FMNL2: variants seen among roughly 807,000 people sequenced by gnomAD.
FMNL2 encodes the protein formin-like protein 2.
In FMNL2, 51 loss-of-function variants were observed where a neutral mutation model predicts 130.2. That is an observed-to-expected ratio of 0.39 (90% CI 0.31 to 0.49). The LOEUF (loss-of-function observed/expected upper bound fraction) is 0.49, where lower values mean the gene tolerates loss of function less well. Ranked by LOEUF, FMNL2 falls within the 20% of genes least tolerant of loss-of-function variation. The probability of loss-of-function intolerance (pLI) is 0.85; values close to 1 mark genes in which losing one functional copy is unlikely to be tolerated. For missense variants in FMNL2, 977 were observed against 1,316.2 expected (o/e 0.74, Z 3.99); for synonymous variants, 465 against 467.1 (o/e 1.00, Z 0.06).
At chr2:152,618,150 T>C (rs2105891097) in intron 13 of FMNL2, among the ~76,000 whole-genome samples, 1 of 152,324 alleles carries the variant, frequency 6.6e-6, no homozygotes, top group East Asian at 1.9e-4. Flanking sequence ...CCCCCCCTTA[T>C]AAAAGGAACC....
At chr2:152,631,968 T>C (rs1682200900) in intron 20 of FMNL2, 40 bp from the exon 21 acceptor site, 1 of 1,588,732 alleles carries the variant, frequency 6.3e-7, no homozygotes, top group African/African-American at 1.4e-5. Context: ...CTTGTTACCC[T>C]TTACTCTTGT....
chr2:152,554,568 T>C (rs978684694), intron 4 of FMNL2, among the ~76,000 whole-genome samples: 1 of 152,210 alleles, frequency 6.6e-6, no homozygotes, highest in Non-Finnish European at 1.5e-5. Flanking sequence ...ACAATGTTTT[T>C]AAAAATCACA....
chr2:152,448,591 T>C (rs574524102), intron 1 of FMNL2, among the ~76,000 whole-genome samples: 1 of 152,322 alleles, frequency 6.6e-6, no homozygotes, highest in Admixed American at 6.5e-5. Context: ...TTTTTTGGAC[T>C]GTCAGTATGG....
chr2:152,578,838 A>G (rs1402781439), intron 7 of FMNL2, 50 bp from the exon 8 acceptor site: 1 of 1,512,234 alleles, frequency 6.6e-7, no homozygotes, highest in Non-Finnish European at 9.0e-7. Flanking sequence ...CAGTTCCCTA[A>G]CTTGTCTCCC....
At chr2:152,518,282 T>G (rs1429454087) in intron 1 of FMNL2, among the ~76,000 whole-genome samples, 2 of 152,212 alleles carry the variant, frequency 1.3e-5, no homozygotes, top group African/African-American at 2.4e-5. Context: ...AGCTGTACAA[T>G]GTATGTCTGA....
At chr2:152,639,839 C>CG in intron 23 of FMNL2, 119 bp from the exon 24 acceptor site, 1 of 667,390 alleles carries the variant, frequency 1.5e-6, no homozygotes, top group East Asian at 3.4e-5. Context: ...TAGATCTTCT[C>CG]AACCTTCCAT....
At chr2:152,366,275 C>CCGGG (rs112286775) in intron 1 of FMNL2, among the ~76,000 whole-genome samples, 7,209 of 121,482 alleles carry the variant, frequency 0.059, 386 homozygotes, top group African/African-American at 0.15. Flanking sequence ...ACATCACACA[C>CCGGG]CGGGGACTGT....
intron 1 of FMNL2, among the ~76,000 whole-genome samples, chr2:152,516,253 A>G (rs1475784273): frequency 6.6e-6 from 1 of 152,188 alleles, no homozygotes; most frequent in Non-Finnish European, 1.5e-5. Context: ...AACACTACTT[A>G]AAGTATAAAC....
At chr2:152,611,688 T>C (rs1387962441) in intron 11 of FMNL2, 83 bp downstream of exon 11, 9 of 866,746 alleles carry the variant, frequency 1.0e-5, no homozygotes, top group Admixed American at 4.2e-5. Flanking sequence ...CCATAGCAGC[T>C]AAAGAATGCC....
intron 10 of FMNL2, among the ~76,000 whole-genome samples, chr2:152,610,966 A>G (rs1698643512): frequency 6.6e-6 from 1 of 152,010 alleles, no homozygotes; most frequent in Non-Finnish European, 1.5e-5. Context: ...TTTCTTTTTT[A>G]TTATAGCCAT....
intron 1 of FMNL2, among the ~76,000 whole-genome samples, chr2:152,453,737 C>G (rs888032319): frequency 6.6e-6 from 1 of 152,178 alleles, no homozygotes; most frequent in African/African-American, 2.4e-5. Flanking sequence ...CCCTTGCATG[C>G]TGTCTGCGAG....
At chr2:152,463,852 TC>T (rs1689379397) in intron 1 of FMNL2, among the ~76,000 whole-genome samples, 1 of 152,210 alleles carries the variant, frequency 6.6e-6, no homozygotes, top group African/African-American at 2.4e-5. Context: ...CCCTGGCTTT[TC>T]CCATTTGGAG....
At chr2:152,531,739 C>T (rs1018693812) in intron 2 of FMNL2, among the ~76,000 whole-genome samples, 38 of 152,048 alleles carry the variant, frequency 2.5e-4, no homozygotes, top group Admixed American at 2.2e-3. Context: ...GGATTACAGG[C>T]GTGAACTACT....
At position 152,648,558 on chromosome 2, in the gene FMNL2, T is replaced by A. The variant is rs571432682; in HGVS notation, c.*653T>A. On this transcript the variant is annotated 3_prime_UTR_variant, in exon 26 of 26. Coordinates refer to ENST00000288670, the MANE Select transcript of FMNL2 (RefSeq NM_052905.4). ...GTGGGGATATAGTGTATAAGACTTA[T>A]TTGCAGTACTGTGTTCTTCAGCTAG... The A allele has an allele frequency of 3.3e-5, 5 of 152,762 alleles. No homozygotes were observed. The South Asian group carries it at 1.0e-3, about 32-fold the overall frequency. The allele number at this position is 152,762 out of a possible 1,614,324, so 9.5% of individuals were successfully genotyped here.
At chr2:152,367,470 G>T (rs1683626333) in intron 1 of FMNL2, among the ~76,000 whole-genome samples, 1 of 152,140 alleles carries the variant, frequency 6.6e-6, no homozygotes, top group African/African-American at 2.4e-5. Flanking sequence ...TAATGCTTTT[G>T]CACTGAAATG....
Position 152,607,252 on chromosome 2 carries a change from A to G in FMNL2, c.877-87A>G, listed in dbSNP as rs1698422213. ...GAGAGAAAAAGATAGATATTCTGGA[A>G]ATCATTATTAAGCTGAAATTTCTGC... On this transcript the variant is annotated intron_variant, in intron 9 of 25. Coordinates refer to ENST00000288670, the MANE Select transcript of FMNL2 (RefSeq NM_052905.4). 2.8e-6 allele frequency: 3 copies of G among 1,069,272 alleles called. No individual in the cohort carries two copies. In the African/African-American group the frequency reaches 4.7e-5, roughly 17 times the overall value. The allele number at this position is 1,069,272 out of a possible 1,614,324, so 66.2% of individuals were successfully genotyped here.
intron 1 of FMNL2, among the ~76,000 whole-genome samples, chr2:152,353,540 C>T (rs547409893): frequency 6.6e-6 from 1 of 152,300 alleles, no homozygotes. Context: ...GTCTATTTAA[C>T]AAAGCTTGTT....
chr2:152,577,288 G>T (rs114438336), intron 7 of FMNL2, among the ~76,000 whole-genome samples: 84 of 152,250 alleles, frequency 5.5e-4, no homozygotes, highest in Middle Eastern at 3.4e-3. Flanking sequence ...AGATATATTT[G>T]CTATCTACAA....
intron 6 of FMNL2, among the ~76,000 whole-genome samples, chr2:152,562,910 G>C (rs1695609267): frequency 6.6e-6 from 1 of 152,148 alleles, no homozygotes; most frequent in African/African-American, 2.4e-5. Flanking sequence ...TCTATCATTG[G>C]ACACTTAGAA....
Sources: allele counts gnomAD v4.1 joint callset (sites outside exome capture counted in the v4.1 genomes callset), GRCh38; gene constraint gnomAD v4.1.1; transcripts MANE v1.5; gene names NCBI Gene and HGNC (gene_info 2026-07-23, HGNC 2026-07-21).